The following SNX30 variants were observed in gnomAD, a reference collection of about 807,000 sequenced individuals.
SNX30 encodes the protein sorting nexin family member 30, also known as sorting nexin-30.
In SNX30, 24 loss-of-function variants were observed where a neutral mutation model predicts 46.4. The ratio of observed to expected loss-of-function variants is 0.52; its 90% CI spans 0.37 to 0.73. SNX30 has a LOEUF of 0.73. Ranked by LOEUF, SNX30 falls within the 30% of genes least tolerant of loss-of-function variation. SNX30 has a pLI of 0.00. For missense variants in SNX30, 533 were observed against 555.7 expected (o/e 0.96, Z 0.41); for synonymous variants, 189 against 211.5 (o/e 0.89, Z 0.92).
intron 3 of SNX30, among the ~76,000 whole-genome samples, chr9:112,818,383 C>T (rs1024045297): frequency 2.6e-5 from 4 of 152,184 alleles, no homozygotes; most frequent in Non-Finnish European, 5.9e-5. Flanking sequence ...GCGTATGCCA[C>T]CACGCCCAGC....
At chr9:112,830,001 C>T (rs1840636627) in intron 3 of SNX30, among the ~76,000 whole-genome samples, 1 of 152,010 alleles carries the variant, frequency 6.6e-6, no homozygotes, top group South Asian at 2.1e-4. Flanking sequence ...ACTTCTTTTC[C>T]CTGTGGTAGT....
chr9:112,767,529 T>C (rs963677349), intron 1 of SNX30, among the ~76,000 whole-genome samples: 3 of 152,198 alleles, frequency 2.0e-5, no homozygotes, highest in Admixed American at 2.0e-4. Flanking sequence ...ATGTTTTTTT[T>C]CCTAGGAGTT....
chr9:112,831,876 T>A (rs1395846021), intron 4 of SNX30, among the ~76,000 whole-genome samples: 1 of 152,228 alleles, frequency 6.6e-6, no homozygotes, highest in Admixed American at 6.5e-5. Context: ...ACCCTCCTGC[T>A]AGCTTCCCTC....
chr9:112,879,813 C>A, downstream of SNX30: 1 of 1,612,572 alleles, frequency 6.2e-7, no homozygotes. Flanking sequence ...GTTTATAGGC[C>A]ACGATGCTGT....
At chr9:112,766,418 T>G (rs1328131278) in intron 1 of SNX30, among the ~76,000 whole-genome samples, 1 of 152,156 alleles carries the variant, frequency 6.6e-6, no homozygotes, top group East Asian at 1.9e-4. Flanking sequence ...AATTTTGACA[T>G]TTGAGGTTAA....
intron 1 of SNX30, among the ~76,000 whole-genome samples, chr9:112,777,706 C>T (rs1319523581): frequency 1.4e-5 from 2 of 142,758 alleles, no homozygotes; most frequent in African/African-American, 5.3e-5. Flanking sequence ...CCTCAACCTC[C>T]CAAAGCTTTG....
intron 1 of SNX30, among the ~76,000 whole-genome samples, chr9:112,752,901 C>T (rs1393832734): frequency 6.6e-6 from 1 of 152,188 alleles, no homozygotes; most frequent in East Asian, 1.9e-4. Flanking sequence ...TAAGCTCACT[C>T]ACATGGCTGT....
chr9:112,820,470 A>G (rs1840474333), intron 3 of SNX30, among the ~76,000 whole-genome samples: 1 of 152,220 alleles, frequency 6.6e-6, no homozygotes, highest in Non-Finnish European at 1.5e-5. Context: ...GCCTTGGGGA[A>G]CTTATTATCA....
At chr9:112,852,253 T>TA (rs36011220) in intron 7 of SNX30, among the ~76,000 whole-genome samples, 118,697 of 149,188 alleles carry the variant, frequency 0.8, 47,259 homozygotes, top group South Asian at 0.87. Flanking sequence ...GACCCTATCT[T>TA]AAAAAAAAAA....
rs200559435 is a variant in SNX30 at position 112,793,797 on chromosome 9, G to GTTTTTTTTTT, written c.157-10973_157-10972insTTTTTTTTTT. Among the ~76,000 whole-genome samples the GTTTTTTTTTT allele has an allele frequency of 2.8e-4, 38 of 137,144 alleles. 1 individual carries two copies. The highest frequency in any genetic ancestry group is 3.4e-4 in the Non-Finnish European group (22 of 64,066). 90.0% of individuals were successfully genotyped at this position (137,144 alleles called of 152,430 possible). On this transcript the variant is annotated intron_variant, in intron 1 of 8. Transcript: ENST00000374232. ...TTTTCTTGTTCTTTTTACCTCCACT[G>GTTTTTTTTTT]TTTTTTGTTTTTTTTTTTTTCTTTC...
At chr9:112,836,488 C>G in intron 5 of SNX30, 79 bp downstream of exon 5, 1 of 1,439,358 alleles carries the variant, frequency 6.9e-7, no homozygotes, top group South Asian at 1.4e-5. Flanking sequence ...TACAGAGAAT[C>G]AAACTGCAAA....
intron 1 of SNX30, among the ~76,000 whole-genome samples, chr9:112,768,647 CTTTTTTTT>C (rs58983756): frequency 1.6e-5 from 1 of 64,366 alleles, no homozygotes; most frequent in Admixed American, 1.9e-4. Context: ...ATTCTTTCTT[CTTTTTTTT>C]TTTTTTTTTT....
chr9:112,822,277 T>A (rs1235190052), intron 3 of SNX30, among the ~76,000 whole-genome samples: 1 of 152,222 alleles, frequency 6.6e-6, no homozygotes, highest in Non-Finnish European at 1.5e-5. Flanking sequence ...TGTATATGTT[T>A]GTCATCTCAT....
chr9:112,807,081 T>G, intron 2 of SNX30, among the ~76,000 whole-genome samples: 1 of 51,720 alleles, frequency 1.9e-5, no homozygotes, highest in African/African-American at 9.0e-5. Context: ...TTTTTTTTTT[T>G]TGAGACAGAG....
intron 6 of SNX30, among the ~76,000 whole-genome samples, chr9:112,842,243 T>C (rs955646738): frequency 1.3e-5 from 2 of 152,214 alleles, no homozygotes; most frequent in African/African-American, 4.8e-5. Context: ...ACATCAGGCC[T>C]GTGGCCCGTT....
intron 1 of SNX30, among the ~76,000 whole-genome samples, chr9:112,793,958 T>G (rs1375313575): frequency 1.3e-5 from 2 of 152,200 alleles, no homozygotes; most frequent in Non-Finnish European, 2.9e-5. Context: ...CATACAAACA[T>G]GACCGCTTCC....
chr9:112,848,048 G>T (rs570540224), intron 6 of SNX30, among the ~76,000 whole-genome samples: 20 of 152,310 alleles, frequency 1.3e-4, no homozygotes, highest in Non-Finnish European at 2.4e-4. Flanking sequence ...GGCAGAAGCA[G>T]GGTGGGGAAT....
At chr9:112,849,065 T>G (rs1840984221) in intron 6 of SNX30, among the ~76,000 whole-genome samples, 1 of 152,190 alleles carries the variant, frequency 6.6e-6, no homozygotes, top group Admixed American at 6.5e-5. Flanking sequence ...TATGTGGTTT[T>G]TTTTTCCAGT....
chr9:112,813,900 CT>C (rs1840358021), intron 2 of SNX30, among the ~76,000 whole-genome samples: 1 of 152,034 alleles, frequency 6.6e-6, no homozygotes, highest in Non-Finnish European at 1.5e-5. Context: ...TGATTCCTTG[CT>C]GATTTAAATA....
Sources: allele counts gnomAD v4.1 joint callset (sites outside exome capture counted in the v4.1 genomes callset), GRCh38; gene constraint gnomAD v4.1.1; transcripts MANE v1.5; gene names NCBI Gene and HGNC (gene_info 2026-07-23, HGNC 2026-07-21).